Variants in ACOXL observed in about 807,000 individuals in gnomAD.
The protein encoded by ACOXL is acyl-CoA oxidase like.
A neutral mutation model predicts 71.9 loss-of-function variants in ACOXL; 70 were observed. The ratio of observed to expected loss-of-function variants is 0.97; its 90% CI spans 0.80 to 1.19. The LOEUF is 1.19. Ranked by LOEUF, ACOXL falls within the 50% of genes most tolerant of loss-of-function variation. The pLI is 0.00. For synonymous variants in ACOXL, 253 were observed against 281.6 expected (o/e 0.90, Z 1.02); for missense variants, 703 against 736.3 (o/e 0.95, Z 0.52).
chr2:110,879,452 G>C (rs1001609139), intron 10 of ACOXL, among the ~76,000 whole-genome samples: 1 of 152,148 alleles, frequency 6.6e-6, no homozygotes, highest in Admixed American at 6.5e-5. Context: ...ACACTTCAGA[G>C]TACAAACTGA....
intron 14 of ACOXL, among the ~76,000 whole-genome samples, chr2:111,012,971 C>T (rs923261057): frequency 2.6e-5 from 4 of 152,114 alleles, no homozygotes; most frequent in African/African-American, 9.7e-5. Context: ...AGAAAACAAA[C>T]TATAGAGCAA....
intron 9 of ACOXL, among the ~76,000 whole-genome samples, 190 bp downstream of exon 9, chr2:110,805,585 C>T (rs1349704426): frequency 6.6e-6 from 1 of 152,182 alleles, no homozygotes; most frequent in African/African-American, 2.4e-5. Flanking sequence ...TTAAGAGGGG[C>T]TCCCACCCAT....
In ACOXL at chr2:110,846,636, T is replaced by TACACACACACACAC. The variant is rs1452445738; in HGVS notation, c.788+5235_788+5236insACACACACACACAC. Among the ~76,000 whole-genome samples, 77 of 44,880 alleles carry TACACACACACACAC rather than the reference T, an allele frequency of 1.7e-3. 1 individual carries two copies. The highest frequency in any genetic ancestry group is 9.7e-3 in the South Asian group (7 of 722). 29.4% of individuals were successfully genotyped at this position (44,880 alleles called of 152,430 possible). ...CCGCATGTGAGCATGCAAGTATGCA[T>TACACACACACACAC]ACACGCACACACACACACACACACA... On this transcript the variant is annotated intron_variant, in intron 10 of 17. Coordinates refer to ENST00000439055, the MANE Select transcript of ACOXL (RefSeq NM_001142807.4).
At chr2:110,745,955 C>T (rs889441469) in intron 1 of ACOXL, among the ~76,000 whole-genome samples, 15 of 152,192 alleles carry the variant, frequency 9.9e-5, no homozygotes, top group African/African-American at 3.6e-4. Context: ...CTCCTGTCAC[C>T]TCCTGTTAGT....
intron 10 of ACOXL, among the ~76,000 whole-genome samples, chr2:110,893,897 T>A (rs1428628193): frequency 6.6e-6 from 1 of 152,198 alleles, no homozygotes; most frequent in African/African-American, 2.4e-5. Flanking sequence ...TAGTAGTACA[T>A]CTTTGAGAGA....
rs2068637414 is a variant in ACOXL at position 111,093,335 on chromosome 2, G to GCTAC, written c.1542+369_1542+370insCTAC. On this transcript the variant is annotated intron_variant, in intron 17 of 17. Coordinates refer to ENST00000439055, the MANE Select transcript of ACOXL (RefSeq NM_001142807.4). ...AGACCCGGGGTATTTTTATGTCAGT[G>GCTAC]GTAGCCATGGGGAATTCAATACAAT... 4.7e-6 allele frequency: 4 copies of GCTAC among 851,314 alleles called. No homozygotes were observed. In the South Asian group the frequency reaches 8.8e-5, roughly 19 times the overall value. 52.7% of individuals were successfully genotyped at this position (851,314 alleles called of 1,614,324 possible).
At chr2:111,055,276 C>G (rs1029574327) in intron 16 of ACOXL, among the ~76,000 whole-genome samples, 4 of 152,182 alleles carry the variant, frequency 2.6e-5, no homozygotes, top group Admixed American at 6.5e-5. Flanking sequence ...GGGGACTGTC[C>G]CCACCTCACA....
At chr2:111,015,876 A>G (rs529549983) in intron 14 of ACOXL, among the ~76,000 whole-genome samples, 2 of 152,310 alleles carry the variant, frequency 1.3e-5, no homozygotes, top group East Asian at 3.9e-4. Flanking sequence ...CAGAATAGTT[A>G]ATACTGTATA....
chr2:111,094,920 A>T (rs1474432192), intron 17 of ACOXL, among the ~76,000 whole-genome samples: 1 of 152,182 alleles, frequency 6.6e-6, no homozygotes, highest in Non-Finnish European at 1.5e-5. Flanking sequence ...TATTCACAGT[A>T]GGGTAGTTTC....
At chr2:110,885,956 G>A (rs1697232001) in intron 10 of ACOXL, among the ~76,000 whole-genome samples, 1 of 152,098 alleles carries the variant, frequency 6.6e-6, no homozygotes, top group Non-Finnish European at 1.5e-5. Context: ...CCTATGAAGT[G>A]TTCTGTCATG....
At chr2:110,931,116 G>A (rs960734564) in intron 11 of ACOXL, among the ~76,000 whole-genome samples, 2 of 152,160 alleles carry the variant, frequency 1.3e-5, no homozygotes, top group African/African-American at 4.8e-5. Context: ...GCCACGATGA[G>A]TTTCTTATAT....
intron 3 of ACOXL, among the ~76,000 whole-genome samples, chr2:110,785,068 T>C (rs1683784592): frequency 6.6e-6 from 1 of 152,260 alleles, no homozygotes; most frequent in African/African-American, 2.4e-5. Flanking sequence ...TTTGTCTTAG[T>C]TTTATGAAAA....
chr2:110,857,017 A>G (rs1693338541), intron 10 of ACOXL, among the ~76,000 whole-genome samples: 1 of 152,202 alleles, frequency 6.6e-6, no homozygotes, highest in African/African-American at 2.4e-5. Context: ...GCCTTTAGCT[A>G]TGACCCTGGC....
chr2:110,738,245 G>A (rs549172962), intron 1 of ACOXL, among the ~76,000 whole-genome samples: 1 of 152,328 alleles, frequency 6.6e-6, no homozygotes, highest in East Asian at 1.9e-4. Context: ...CTGGAAAGCA[G>A]AGAAAAGCCA....
chr2:110,889,622 C>T (rs950720958), intron 10 of ACOXL, among the ~76,000 whole-genome samples: 17 of 152,216 alleles, frequency 1.1e-4, no homozygotes, highest in African/African-American at 4.1e-4. Flanking sequence ...ATGTCATTCA[C>T]TTGGCCTACA....
intron 14 of ACOXL, among the ~76,000 whole-genome samples, chr2:111,008,484 T>G (rs2063981107): frequency 6.6e-6 from 1 of 152,224 alleles, no homozygotes; most frequent in Non-Finnish European, 1.5e-5. Flanking sequence ...CACAGAATAA[T>G]CTATGTTATG....
chr2:111,025,556 G>A (rs1273962435), intron 14 of ACOXL, among the ~76,000 whole-genome samples: 1 of 152,158 alleles, frequency 6.6e-6, no homozygotes, highest in Non-Finnish European at 1.5e-5. Flanking sequence ...GTCTTAATCT[G>A]CGTTTCTCAG....
chr2:110,916,037 C>A (rs1257553951), intron 11 of ACOXL, among the ~76,000 whole-genome samples: 1 of 151,748 alleles, frequency 6.6e-6, no homozygotes. Flanking sequence ...TTATTAATTT[C>A]TTTAACAAAT....
At chr2:110,743,308 A>G (rs1335011902) in intron 1 of ACOXL, among the ~76,000 whole-genome samples, 1 of 152,200 alleles carries the variant, frequency 6.6e-6, no homozygotes, top group Non-Finnish European at 1.5e-5. Flanking sequence ...ATAATTTCCT[A>G]TATTTAAAAA....
Sources: allele counts gnomAD v4.1 joint callset (sites outside exome capture counted in the v4.1 genomes callset), GRCh38; gene constraint gnomAD v4.1.1; transcripts MANE v1.5; gene names NCBI Gene and HGNC (gene_info 2026-07-23, HGNC 2026-07-21).